MCTP1: variants seen among roughly 807,000 people sequenced by gnomAD.
MCTP1 encodes multiple C2 and transmembrane domain-containing protein 1.
In MCTP1, 69 loss-of-function variants were observed where a neutral mutation model predicts 120.6. The ratio of observed to expected loss-of-function variants is 0.57; its 90% CI spans 0.47 to 0.70. The LOEUF (loss-of-function observed/expected upper bound fraction) is 0.70. MCTP1 is among the 30% of genes least tolerant of loss of function. MCTP1 has a pLI of 0.00. For missense variants in MCTP1, 1,203 were observed against 1,248.8 expected (o/e 0.96, Z 0.55); for synonymous variants, 529 against 493.1 (o/e 1.07, Z -0.96).
intron 2 of MCTP1, among the ~76,000 whole-genome samples, chr5:95,004,065 C>T (rs573954356): frequency 7.2e-5 from 11 of 152,300 alleles, no homozygotes; most frequent in African/African-American, 2.2e-4. Flanking sequence ...AGGTGAGAAA[C>T]TCATTTGGAA....
At chr5:95,137,184 C>G (rs1162011218) in intron 1 of MCTP1, among the ~76,000 whole-genome samples, 1 of 152,132 alleles carries the variant, frequency 6.6e-6, no homozygotes, top group Admixed American at 6.5e-5. Flanking sequence ...AGCTTAGGAC[C>G]TAGAGCCTCA....
At chr5:94,947,844 C>T (rs1399132830) in intron 3 of MCTP1, among the ~76,000 whole-genome samples, 1 of 148,954 alleles carries the variant, frequency 6.7e-6, no homozygotes, top group African/African-American at 2.5e-5. Flanking sequence ...TGGTCTTGAA[C>T]CTCCTGAGTT....
intron 2 of MCTP1, among the ~76,000 whole-genome samples, chr5:94,964,848 A>G (rs922952410): frequency 2.0e-5 from 3 of 152,150 alleles, no homozygotes; most frequent in African/African-American, 7.2e-5. Context: ...AAAGGTAATT[A>G]TTGATAGGTA....
At chr5:95,255,240 C>G (rs1757760141) in intron 1 of MCTP1, among the ~76,000 whole-genome samples, 1 of 152,174 alleles carries the variant, frequency 6.6e-6, no homozygotes, top group Non-Finnish European at 1.5e-5. Context: ...AGAGAAGCAA[C>G]CCTGTCTTAC....
intron 2 of MCTP1, among the ~76,000 whole-genome samples, chr5:94,981,167 C>T (rs1829321802): frequency 6.6e-6 from 1 of 152,150 alleles, no homozygotes; most frequent in African/African-American, 2.4e-5. Context: ...TTATCTTCAA[C>T]ACAGTATTCC....
At chr5:94,752,183 C>A (rs1326067283) in intron 19 of MCTP1, among the ~76,000 whole-genome samples, 1 of 132,548 alleles carries the variant, frequency 7.5e-6, no homozygotes, top group East Asian at 2.3e-4. Context: ...ATTATCTCAC[C>A]CGGCTGAAAC....
At chr5:95,138,704 C>A (rs1022135797) in intron 1 of MCTP1, among the ~76,000 whole-genome samples, 5 of 152,148 alleles carry the variant, frequency 3.3e-5, no homozygotes, top group African/African-American at 9.7e-5. Context: ...ACTCCACCGG[C>A]TGCTCCCTCT....
chr5:94,734,596 T>C (rs1169209206), intron 19 of MCTP1, among the ~76,000 whole-genome samples: 1 of 151,942 alleles, frequency 6.6e-6, no homozygotes, highest in Admixed American at 6.5e-5. Flanking sequence ...TAGCTGGGAC[T>C]ATAGGCTGTG....
At chr5:94,941,275 T>C (rs187813461) in intron 4 of MCTP1, among the ~76,000 whole-genome samples, 1 of 152,076 alleles carries the variant, frequency 6.6e-6, no homozygotes, top group East Asian at 1.9e-4. Context: ...ATAGACTCCA[T>C]GCAACACCAC....
intron 2 of MCTP1, among the ~76,000 whole-genome samples, chr5:94,990,083 C>T (rs1831235361): frequency 6.6e-6 from 1 of 152,136 alleles, no homozygotes. Flanking sequence ...GGTACAATCT[C>T]CTGATTTGTA....
chr5:94,759,547 T>C (rs1770786177), intron 19 of MCTP1, among the ~76,000 whole-genome samples: 1 of 152,192 alleles, frequency 6.6e-6, no homozygotes, highest in Non-Finnish European at 1.5e-5. Context: ...GGTTACAACA[T>C]CCCTACGACA....
intron 19 of MCTP1, among the ~76,000 whole-genome samples, chr5:94,735,250 G>A (rs898152456): frequency 3.3e-5 from 5 of 152,154 alleles, no homozygotes; most frequent in Non-Finnish European, 7.4e-5. Context: ...AGACTACTTG[G>A]AGACCCAGAC....
In MCTP1 at chr5:94,777,927, CGTGT is replaced by C. The variant is rs71615135; in HGVS notation, c.2610+1179_2610+1182del. 4.3e-3 allele frequency among the ~76,000 whole-genome samples: 643 copies of C among 148,954 alleles called. 1 individual carries two copies. The highest frequency in any genetic ancestry group is 7.0e-3 in the African/African-American group (281 of 40,248). The stretch of plus-strand genomic sequence containing the variant: ...ATAGCGTTAGAAGGGAGAAAGTGTG[CGTGT>C]GTGTGTGTGTGTGTGTGTGTGTGTG... On this transcript the variant is annotated intron_variant, in intron 19 of 22. Transcript: ENST00000515393.
intron 1 of MCTP1, among the ~76,000 whole-genome samples, chr5:95,195,943 G>A (rs1750340251): frequency 6.6e-6 from 1 of 152,250 alleles, no homozygotes; most frequent in South Asian, 2.1e-4. Context: ...GATAAAGCTA[G>A]CTATTAGATT....
At chr5:94,963,163 G>A (rs1350559805) in intron 2 of MCTP1, among the ~76,000 whole-genome samples, 1 of 152,010 alleles carries the variant, frequency 6.6e-6, no homozygotes, top group African/African-American at 2.4e-5. Context: ...GAATTTTGAT[G>A]GGGAGGAAAA....
At chr5:95,179,461 C>T (rs1047594031) in intron 1 of MCTP1, among the ~76,000 whole-genome samples, 1 of 152,278 alleles carries the variant, frequency 6.6e-6, no homozygotes, top group Non-Finnish European at 1.5e-5. Context: ...AAAGGAAAAC[C>T]TATCAGACTA....
chr5:95,140,359 T>G (rs1254148179), intron 1 of MCTP1, among the ~76,000 whole-genome samples: 1 of 152,114 alleles, frequency 6.6e-6, no homozygotes, highest in Non-Finnish European at 1.5e-5. Context: ...TGCACACAAT[T>G]GGTACTTTTG....
chr5:95,284,087 T>G lies in MCTP1; in HGVS notation c.489A>C (p.Ser163=). The G allele has an allele frequency of 6.4e-7, 1 of 1,550,500 alleles. No homozygotes were observed. The highest frequency in any genetic ancestry group is 2.4e-5 in the East Asian group (1 of 41,188). The part of the protein sequence containing the change: ...PDSAPSSSSA[S]SSLSSSPQPP... ...GCTGGGGCGAGGAGGACAGGGAGGA[T>G]GAGGCGGAGGAAGAGGAAGGAGCTG... is the stretch of plus-strand genomic sequence containing the variant. The change falls in exon 1 of 23, where the codon TCA becomes TCC. Residue 163 remains serine (S), a synonymous_variant. Transcript: ENST00000515393. The surrounding 1 kb of genome is among the most constrained non-coding windows in gnomAD (Gnocchi z 5.2).
rs1429013723 is a variant in MCTP1, at chr5:94,705,661, C to T, written c.*1835G>A. 1 of 151,576 alleles carries T rather than the reference C, an allele frequency of 6.6e-6. No individual in the cohort carries two copies. Among genetic ancestry groups the T allele is most frequent in the Non-Finnish European group, 1.5e-5 (1 of 67,722 alleles). 9.4% of individuals were successfully genotyped at this position (151,576 alleles called of 1,614,324 possible). On this transcript the variant is annotated 3_prime_UTR_variant, in exon 23 of 23. Transcript: ENST00000515393. ...TTAGTCATCTGTTAATGGTTACTATCCACTAGATACATCTGAGGTTGTAGA... is the reference window on the plus strand; with the variant it reads ...TTAGTCATCTGTTAATGGTTACTATTCACTAGATACATCTGAGGTTGTAGA...
Sources: gnomAD v4.1 joint callset for allele counts (sites outside exome capture counted in the v4.1 genomes callset) on GRCh38, gnomAD v4.1.1 for gene constraint, Gnocchi (gnomAD v3.1) non-coding constraint, MANE v1.5 for transcripts, NCBI Gene and HGNC (gene_info 2026-07-23, HGNC 2026-07-21) for gene names.